Variants in IPPK observed in about 807,000 individuals in gnomAD.
The protein encoded by IPPK is inositol-pentakisphosphate 2-kinase, also known as IPK1 homolog.
IPPK carries 22 observed loss-of-function variants against 64.6 expected under a neutral mutation model. The ratio of observed to expected loss-of-function variants is 0.34; its 90% CI spans 0.24 to 0.49. IPPK has a LOEUF of 0.49. Among genes scored for constraint, IPPK ranks in the 20% least tolerant of loss-of-function variants. The pLI is 0.99. For synonymous variants in IPPK, 262 were observed against 247.2 expected (o/e 1.06, Z -0.56); for missense variants, 532 against 630.7 (o/e 0.84, Z 1.68).
At chr9:92,629,061 C>G (rs1370347134) in intron 11 of IPPK, among the ~76,000 whole-genome samples, 1 of 152,060 alleles carries the variant, frequency 6.6e-6, no homozygotes, top group Non-Finnish European at 1.5e-5. Context: ...GCACTTCAGC[C>G]TGTGTGACAG....
At chr9:92,618,110 C>T (rs769932474) in intron 12 of IPPK, 48 of 392,396 alleles carry the variant, frequency 1.2e-4, no homozygotes, top group Non-Finnish European at 2.0e-4. Flanking sequence ...TTCACAGGTG[C>T]GGCCACTGCG....
intron 1 of IPPK, among the ~76,000 whole-genome samples, chr9:92,660,020 G>A (rs1289596330): frequency 6.6e-6 from 1 of 152,010 alleles, no homozygotes; most frequent in Non-Finnish European, 1.5e-5. Flanking sequence ...TCAATCATGG[G>A]AATCGACTGG....
chr9:92,641,788 G>A (rs548458809), intron 7 of IPPK, among the ~76,000 whole-genome samples: 3 of 152,296 alleles, frequency 2.0e-5, no homozygotes, highest in African/African-American at 7.2e-5. Context: ...ACAAAGGCAG[G>A]GGCACGAAAT....
At chr9:92,647,970 T>C in intron 6 of IPPK, 89 bp downstream of exon 6, 1 of 761,228 alleles carries the variant, frequency 1.3e-6, no homozygotes, top group Non-Finnish European at 2.2e-6. Flanking sequence ...TATTTTCTTT[T>C]ACTCTTCTGA....
chr9:92,616,050 G>T lies in IPPK; in HGVS notation c.1258C>A (p.Gln420Lys). ...CTCGATGAAGGGACGACAGGCCTTT[G>T]ATCAGAGCTGCAAGTAAAAAGTACC... ...SPCLQDASSD[Q>K]RPVVPSSRSR... The change falls in exon 13 of 13, where the codon CAA becomes AAA. Residue 420 changes from glutamine (Q) to lysine (K), a missense_variant. Coordinates refer to ENST00000287996, the MANE Select transcript of IPPK (RefSeq NM_022755.6). 6.2e-7 allele frequency: 1 copy of T among 1,612,828 alleles called. No homozygotes were observed. The highest frequency in any genetic ancestry group is 1.1e-5 in the South Asian group (1 of 90,930).
chr9:92,627,440 T>C (rs927502531), intron 11 of IPPK, among the ~76,000 whole-genome samples: 1 of 152,184 alleles, frequency 6.6e-6, no homozygotes, highest in Non-Finnish European at 1.5e-5. Context: ...AATATGGATA[T>C]GAGAATCCTC....
intron 1 of IPPK, among the ~76,000 whole-genome samples, chr9:92,662,397 A>G (rs1175421685): frequency 3.9e-5 from 6 of 152,098 alleles, no homozygotes. Flanking sequence ...GTGGTGGCAC[A>G]TGACTGTAAT....
chr9:92,668,361 A>T (rs1337668031), intron 1 of IPPK, among the ~76,000 whole-genome samples: 1 of 152,182 alleles, frequency 6.6e-6, no homozygotes, highest in Non-Finnish European at 1.5e-5. Context: ...TACTCAGGGA[A>T]GGGGGTGGAC....
chr9:92,616,092 G>GCC, intron 12 of IPPK, 35 bp from the exon 13 acceptor site: 3 of 1,451,220 alleles, frequency 2.1e-6, no homozygotes, highest in Non-Finnish European at 2.9e-6. Context: ...GGATACACAA[G>GCC]CCCCCCATTC....
chr9:92,613,285 T>C lies in IPPK; in HGVS notation c.*2547A>G. On this transcript the variant is annotated 3_prime_UTR_variant, in exon 13 of 13. Transcript: ENST00000287996. ...CTGTCTATGCAGTTATGGCACATTA[T>C]ATGGAAACTCTCATGACATGAAAAA... is the stretch of plus-strand genomic sequence containing the variant. 2 of 927,976 alleles carry C rather than the reference T, an allele frequency of 2.2e-6. No homozygotes were observed. The highest frequency in any genetic ancestry group is 3.3e-6 in the Non-Finnish European group (2 of 610,258). The allele number at this position is 927,976 out of a possible 1,614,324, so 57.5% of individuals were successfully genotyped here.
chr9:92,642,686 T>A, intron 7 of IPPK, 66 bp downstream of exon 7: 5 of 1,322,798 alleles, frequency 3.8e-6, no homozygotes, highest in Non-Finnish European at 4.4e-6. Flanking sequence ...CACCAGGCAC[T>A]GGCCCCCGCC....
intron 4 of IPPK, 135 bp from the exon 5 acceptor site, chr9:92,649,709 G>T: frequency 9.6e-7 from 1 of 1,038,146 alleles, no homozygotes; most frequent in Non-Finnish European, 1.4e-6. Flanking sequence ...ATGTCTCCCT[G>T]GGGATTGTGG....
At chr9:92,641,780 A>G (rs530026831) in intron 7 of IPPK, among the ~76,000 whole-genome samples, 1 of 152,348 alleles carries the variant, frequency 6.6e-6, no homozygotes, top group African/African-American at 2.4e-5. Flanking sequence ...GAGCACTGAC[A>G]AAGGCAGGGG....
chr9:92,619,381 T>C (rs1851550397), intron 12 of IPPK, 105 bp downstream of exon 12: 3 of 883,274 alleles, frequency 3.4e-6, no homozygotes, highest in Non-Finnish European at 5.5e-6. Context: ...CACTCCGCCA[T>C]GGAGTCTCTA....
At position 92,631,740 on chromosome 9, in the gene IPPK, C is replaced by G. The variant is rs566108015; in HGVS notation, c.1170+2646G>C. On this transcript the variant is annotated intron_variant, in intron 11 of 12. Coordinates refer to ENST00000287996, the MANE Select transcript of IPPK (RefSeq NM_022755.6). ...GAGTGATGCTGACACAATCCACAAT[C>G]TTATTCAGATATCTCGGGTTTTACA... Among the ~76,000 whole-genome samples the G allele has an allele frequency of 1.0e-3, 152 of 152,338 alleles. 1 individual carries two copies. Among genetic ancestry groups the G allele is most frequent in the African/African-American group, 3.3e-3 (139 of 41,588 alleles).
chr9:92,631,306 C>T (rs1851841572), intron 11 of IPPK, among the ~76,000 whole-genome samples: 1 of 151,700 alleles, frequency 6.6e-6, no homozygotes, highest in African/African-American at 2.4e-5. Flanking sequence ...AGCGATTCTC[C>T]TGCCTCAGCC....
At chr9:92,622,686 C>T (rs146995166) in intron 11 of IPPK, among the ~76,000 whole-genome samples, 106 of 152,084 alleles carry the variant, frequency 7.0e-4, no homozygotes, top group African/African-American at 2.3e-3. Flanking sequence ...ATCATTTTAA[C>T]GCTACACCAT....
intron 12 of IPPK, chr9:92,619,246 C>T (rs1851544985): frequency 2.0e-6 from 1 of 488,736 alleles, no homozygotes. Context: ...AAAACAGTAA[C>T]TTTCAATGTA....
intron 8 of IPPK, among the ~76,000 whole-genome samples, chr9:92,640,486 C>G (rs1461643104): frequency 6.6e-6 from 1 of 152,182 alleles, no homozygotes; most frequent in Non-Finnish European, 1.5e-5. Context: ...CAGGGTCACT[C>G]AGATGCTATG....
Sources: gnomAD v4.1 joint callset for allele counts (sites outside exome capture counted in the v4.1 genomes callset) on GRCh38, gnomAD v4.1.1 for gene constraint, MANE v1.5 for transcripts, NCBI Gene and HGNC (gene_info 2026-07-23, HGNC 2026-07-21) for gene names.